The following ADGRA2 variants were observed in gnomAD, a reference collection of about 807,000 sequenced individuals.
The protein encoded by ADGRA2 is adhesion G protein-coupled receptor A2, also known as G-protein coupled receptor 124.
A neutral mutation model predicts 98.7 loss-of-function variants in ADGRA2; 61 were observed. The observed-to-expected ratio is 0.62, with a 90% CI of 0.50 to 0.76. The LOEUF (loss-of-function observed/expected upper bound fraction) is 0.76. Among genes scored for constraint, ADGRA2 ranks in the 30% least tolerant of loss-of-function variants. The pLI, the probability that ADGRA2 is intolerant of heterozygous loss-of-function variation, is 0.00. For missense variants in ADGRA2, 1,712 were observed against 1,860.0 expected (o/e 0.92, Z 1.46); for synonymous variants, 858 against 831.5 (o/e 1.03, Z -0.55).
At chr8:37,809,014 G>A (rs1296236078) in intron 1 of ADGRA2, among the ~76,000 whole-genome samples, 4 of 152,086 alleles carry the variant, frequency 2.6e-5, no homozygotes, top group Non-Finnish European at 5.9e-5. Flanking sequence ...GTAGAGATGG[G>A]ATTTCACCAT....
intron 2 of ADGRA2, among the ~76,000 whole-genome samples, chr8:37,821,494 G>C (rs112287443): frequency 6.6e-6 from 1 of 152,142 alleles, no homozygotes; most frequent in Non-Finnish European, 1.5e-5. Flanking sequence ...TTCATTCCCC[G>C]GGATCCCCTG....
At chr8:37,800,654 A>C (rs1804476114) in intron 1 of ADGRA2, among the ~76,000 whole-genome samples, 1 of 152,088 alleles carries the variant, frequency 6.6e-6, no homozygotes, top group Non-Finnish European at 1.5e-5. Flanking sequence ...AGTGTGTCAA[A>C]GTGCCTGGTC....
chr8:37,838,927 C>T (rs367709456), intron 14 of ADGRA2, 29 bp from the exon 15 acceptor site: 374 of 1,545,210 alleles, frequency 2.4e-4, no homozygotes, highest in Admixed American at 5.0e-4. Context: ...GTCCACATTC[C>T]TCACGTCCTC....
At position 37,830,628 on chromosome 8, in the gene ADGRA2, C is replaced by CCCCCCCGGGGG; in HGVS notation, c.719-81_719-80insCCCCCGGGGGC. 1.4e-6 allele frequency: 1 copy of CCCCCCCGGGGG among 711,456 alleles called. No individual in the cohort carries two copies. Among genetic ancestry groups the CCCCCCCGGGGG allele is most frequent in the Non-Finnish European group, 2.4e-6 (1 of 411,722 alleles). The allele number at this position is 711,456 out of a possible 1,614,324, so 44.1% of individuals were successfully genotyped here. A position where few individuals can be genotyped will look rare whatever the true frequency, so the allele number is the denominator to read the frequency against. On this transcript the variant is annotated intron_variant, in intron 6 of 18. Coordinates refer to ENST00000412232, the MANE Select transcript of ADGRA2 (RefSeq NM_032777.10). The surrounding 1 kb of genome is among the most constrained non-coding windows in gnomAD (Gnocchi z 4.8). ...GCCGAGGGCCCCGCCCCGCCCCACC[C>CCCCCCCGGGGG]CATCCTGCTGGACTCTCGCTCACAC... is the stretch of plus-strand genomic sequence containing the variant.
In ADGRA2 at chr8:37,830,539, T is replaced by A. The variant is rs1039552386; in HGVS notation, c.719-171T>A. ...GTCCAAAAACCGCCTGTCCCTCCCC[T>A]TTACCCTTACCCCTAGAGACTTTCT... On this transcript the variant is annotated intron_variant, in intron 6 of 18. Transcript: ENST00000412232. This position sits in a 1 kb window ranked among gnomAD's most constrained non-coding sequence, Gnocchi z 4.8. Among the ~76,000 whole-genome samples the A allele has an allele frequency of 6.6e-6, 1 of 152,184 alleles. No individual in the cohort carries two copies. The highest frequency in any genetic ancestry group is 2.4e-5 in the African/African-American group (1 of 41,454).
chr8:37,805,156 A>G (rs1804624235), intron 1 of ADGRA2, among the ~76,000 whole-genome samples: 1 of 152,226 alleles, frequency 6.6e-6, no homozygotes, highest in Non-Finnish European at 1.5e-5. Flanking sequence ...GGGGAAACCC[A>G]GGGCTCAGCA....
chr8:37,808,346 C>T (rs528085621), intron 1 of ADGRA2, among the ~76,000 whole-genome samples: 38 of 152,262 alleles, frequency 2.5e-4, no homozygotes, highest in Non-Finnish European at 5.0e-4. Context: ...GGCTGGCCCC[C>T]GTGAGGTTTT....
At chr8:37,803,886 G>A (rs1443302723) in intron 1 of ADGRA2, among the ~76,000 whole-genome samples, 4 of 152,052 alleles carry the variant, frequency 2.6e-5, no homozygotes, top group African/African-American at 9.7e-5. Flanking sequence ...GAAGGGAAGA[G>A]AAGGTCTCAG....
Position 37,834,213 on chromosome 8 carries a change from C to A in ADGRA2, c.1608+85C>A. The A allele has an allele frequency of 8.0e-7, 1 of 1,249,938 alleles. No homozygotes were observed. The highest frequency in any genetic ancestry group is 1.5e-5 in the African/African-American group (1 of 67,566). The allele number at this position is 1,249,938 out of a possible 1,614,324, so 77.4% of individuals were successfully genotyped here. The stretch of plus-strand genomic sequence containing the variant: ...CAGGCGTGCACCTGCCGTGCCCCAG[C>A]TAGCAAGAGCAGCAGACGTGACAAA... On this transcript the variant is annotated intron_variant, in intron 11 of 18. Transcript: ENST00000412232. The surrounding 1 kb of genome is among the most constrained non-coding windows in gnomAD (Gnocchi z 4.2).
At position 37,839,530 on chromosome 8, in the gene ADGRA2, A is replaced by C. The variant is rs1177336700; in HGVS notation, c.2419A>C (p.Met807Leu). ...CCGTGTGTCCCGGAAAGGCTGGCACATGCTGCTGAACTTGTGCTTCCACAT... is the reference window on the plus strand; with the variant it reads ...CCGTGTGTCCCGGAAAGGCTGGCACCTGCTGCTGAACTTGTGCTTCCACAT... Reference protein sequence around the residue: ...SIRVSRKGWHMLLNLCFHIAM... With the variant: ...SIRVSRKGWHLLLNLCFHIAM... Residue 807 changes from methionine (M) to leucine (L), a missense_variant, in exon 16 of 19, where the codon ATG becomes CTG. Coordinates refer to ENST00000412232, the MANE Select transcript of ADGRA2 (RefSeq NM_032777.10). The C allele has an allele frequency of 6.2e-7, 1 of 1,614,156 alleles. No individual in the cohort carries two copies. Among genetic ancestry groups the C allele is most frequent in the Non-Finnish European group, 8.5e-7 (1 of 1,180,014 alleles).
chr8:37,825,441 G>T (rs1319019942), intron 2 of ADGRA2, among the ~76,000 whole-genome samples: 2 of 150,366 alleles, frequency 1.3e-5, no homozygotes, highest in Non-Finnish European at 3.0e-5. Context: ...TAGAGACGGG[G>T]TTTCACCATG....
At chr8:37,837,985 C>T in intron 14 of ADGRA2, 46 bp downstream of exon 14, 1 of 1,384,410 alleles carries the variant, frequency 7.2e-7, no homozygotes, top group South Asian at 1.5e-5. Context: ...GGGACACGGG[C>T]TGGGTGGAAA....
intron 1 of ADGRA2, among the ~76,000 whole-genome samples, chr8:37,806,618 C>T (rs1804677068): frequency 6.7e-6 from 1 of 148,686 alleles, no homozygotes; most frequent in South Asian, 2.1e-4. Context: ...CAACCTCTGC[C>T]TCCTGGGTTC....
rs1805819607 is a variant in ADGRA2 at position 37,842,089 on chromosome 8, A to C, written c.3751A>C (p.Thr1251Pro). The C allele has an allele frequency of 1.3e-6, 2 of 1,513,116 alleles. No homozygotes were observed. The highest frequency in any genetic ancestry group is 5.2e-5 in the East Asian group (2 of 38,282). The allele number at this position is 1,513,116 out of a possible 1,614,324, so 93.7% of individuals were successfully genotyped here. A position where few individuals can be genotyped will look rare whatever the true frequency, so the allele number is the denominator to read the frequency against. The stretch of plus-strand genomic sequence containing the variant: ...GCAGCTGGAAGGCGAGCCCATGCTC[A>C]CGCCGTCCGAGGGCAGCGACACCAG... ...GLQLEGEPML[T>P]PSEGSDTSAA... The change falls in exon 19 of 19, where the codon ACG becomes CCG. Residue 1251 changes from threonine to proline, a missense_variant. Coordinates refer to ENST00000412232, the MANE Select transcript of ADGRA2 (RefSeq NM_032777.10).
At position 37,833,736 on chromosome 8, in the gene ADGRA2, G is replaced by A. The variant is rs781696424; in HGVS notation, c.1345G>A (p.Val449Met). The change falls in exon 10 of 19, where the codon GTG becomes ATG. Residue 449 changes from valine (V) to methionine (M), a missense_variant. Physicochemically the swap from Val to Met is conservative, Grantham distance 21. Transcript: ENST00000412232. ...GCTGACCCTGGCTCACCAGCTGCGC[G>A]TGTACACAGCCGAGGCCGCTAGCTT... ...NALTLAHQLRVYTAEAASFSD... is the reference protein window; with the variant it reads ...NALTLAHQLRMYTAEAASFSD... 70 of 1,614,136 alleles carry A rather than the reference G, an allele frequency of 4.3e-5. No individual in the cohort carries two copies. The Admixed American group carries it at 5.0e-4, about 12-fold the overall frequency.
At position 37,833,691 on chromosome 8, in the gene ADGRA2, C is replaced by T. The variant is rs149007198; in HGVS notation, c.1300C>T (p.Pro434Ser). The change falls in exon 10 of 19, where the codon CCC (proline) becomes TCC (serine). Residue 434 changes from proline (P) to serine (S), a missense_variant. Pro to Ser is a moderately conservative substitution (Grantham distance 74). Transcript: ENST00000412232. ...TRVLYTFVLMPINASNALTLA... is the reference protein window; with the variant it reads ...TRVLYTFVLMSINASNALTLA... ...TCTCTCTTCCCCCAATCCCCAGATG[C>T]CCATCAATGCCTCCAATGCGCTGAC... 1 of 1,613,962 alleles carries T rather than the reference C, an allele frequency of 6.2e-7. No homozygotes were observed. The highest frequency in any genetic ancestry group is 8.5e-7 in the Non-Finnish European group (1 of 1,179,878).
In ADGRA2 at chr8:37,838,971, C is replaced by T; in HGVS notation, c.2275C>T (p.Pro759Ser). Residue 759 changes from proline to serine, a missense_variant, in exon 15 of 19, where the codon CCC becomes TCC. Physicochemically the swap from Pro to Ser is moderately conservative, Grantham distance 74. Coordinates refer to ENST00000412232, the MANE Select transcript of ADGRA2 (RefSeq NM_032777.10). ...VAVLMELSAFPREVGGAGAGL... is the reference protein window; with the variant it reads ...VAVLMELSAFSREVGGAGAGL... ...CCTTTCCCAGGAGCTGAGCGCCTTTCCCAGGGAGGTGGGGGGCGCCGGGGC... is the reference window on the plus strand; with the variant it reads ...CCTTTCCCAGGAGCTGAGCGCCTTTTCCAGGGAGGTGGGGGGCGCCGGGGC... 1 of 1,572,970 alleles carries T rather than the reference C, an allele frequency of 6.4e-7. No individual in the cohort carries two copies. Among genetic ancestry groups the T allele is most frequent in the Non-Finnish European group, 8.6e-7 (1 of 1,160,190 alleles).
intron 2 of ADGRA2, among the ~76,000 whole-genome samples, chr8:37,828,687 A>C (rs1314837271): frequency 1.4e-5 from 2 of 142,406 alleles, no homozygotes; most frequent in African/African-American, 2.6e-5. Context: ...GGGTTTCACC[A>C]TGTTGGCCAG....
chr8:37,816,925 AAAACACAC>A (rs1194740390), intron 2 of ADGRA2, among the ~76,000 whole-genome samples: 4 of 91,590 alleles, frequency 4.4e-5, no homozygotes, highest in African/African-American at 1.5e-4. Flanking sequence ...AAAAGAAAGC[AAAACACAC>A]ACACACACAC....
Sources: allele counts gnomAD v4.1 joint callset (sites outside exome capture counted in the v4.1 genomes callset), GRCh38; gene constraint gnomAD v4.1.1; non-coding constraint Gnocchi (gnomAD v3.1); transcripts MANE v1.5; gene names NCBI Gene and HGNC (gene_info 2026-07-23, HGNC 2026-07-21).